The following POLQ variants were observed in gnomAD, a reference collection of about 807,000 sequenced individuals.
POLQ encodes DNA polymerase theta.
Under a neutral mutation model 259.2 loss-of-function variants are expected in POLQ, and 233 were observed. The observed-to-expected ratio is 0.90, with a 90% CI of 0.81 to 1.00. The LOEUF (loss-of-function observed/expected upper bound fraction) is 1.00. Ranked by LOEUF, POLQ falls within the 50% of genes least tolerant of loss-of-function variation. The probability of loss-of-function intolerance (pLI) is 0.00; values close to 1 mark genes in which losing one functional copy is unlikely to be tolerated. For synonymous variants in POLQ, 1,025 were observed against 1,048.8 expected (o/e 0.98, Z 0.44); for missense variants, 2,871 against 3,051.6 (o/e 0.94, Z 1.39).
Position 121,509,607 on chromosome 3 carries a change from G to A in POLQ, c.1913C>T (p.Ala638Val). The change falls in exon 12 of 30, where the codon GCA becomes GTA. Residue 638 changes from alanine (A) to valine (V), a missense_variant. Physicochemically the swap from Ala to Val is moderately conservative, Grantham distance 64. This residue lies in a region of POLQ where 783 missense variants were observed against 906.2 expected (regional missense o/e 0.86). Transcript: ENST00000264233. ...ATTCTCTAAAACAAAGCCCTTCATT[G>A]CTCTTTGCAGGTCAGCAAAAATATC... ...TLDIFADLQR[A>V]MKGFVLENDL... 1 of 1,613,354 alleles carries A rather than the reference G, an allele frequency of 6.2e-7. No homozygotes were observed. Among genetic ancestry groups the A allele is most frequent in the Non-Finnish European group, 8.5e-7 (1 of 1,179,390 alleles).
chr3:121,484,796 G>A (rs1431815015), intron 17 of POLQ, among the ~76,000 whole-genome samples: 1 of 152,124 alleles, frequency 6.6e-6, no homozygotes, highest in Admixed American at 6.6e-5. Flanking sequence ...AGCTACTTGG[G>A]AGGCTGAGGC....
At chr3:121,501,381 C>T (rs1273783251) in intron 12 of POLQ, among the ~76,000 whole-genome samples, 2 of 151,386 alleles carry the variant, frequency 1.3e-5, no homozygotes, top group Non-Finnish European at 2.9e-5. Flanking sequence ...AATGCTAGGC[C>T]GGGCGCGGTG....
chr3:121,439,108 A>G (rs1026984069), intron 27 of POLQ, among the ~76,000 whole-genome samples: 2 of 152,234 alleles, frequency 1.3e-5, no homozygotes, highest in African/African-American at 2.4e-5. Flanking sequence ...ATGAATCCCA[A>G]TGAATTCAGA....
chr3:121,481,862 T>G lies in POLQ; in HGVS notation c.5971-50A>C, dbSNP rs751444485. ...TTTTCCTGATTTTTTTCAAAGACAC[T>G]TATGTACCTCTAAATGAAAAGGGAA... On this transcript the variant is annotated intron_variant, in intron 18 of 29. Transcript: ENST00000264233. 4 of 1,503,618 alleles carry G rather than the reference T, an allele frequency of 2.7e-6. No homozygotes were observed. The African/African-American group carries it at 4.2e-5, about 16-fold the overall frequency. 93.1% of individuals were successfully genotyped at this position (1,503,618 alleles called of 1,614,324 possible).
chr3:121,539,407 AT>A (rs2108821237), intron 4 of POLQ, 25 bp downstream of exon 4: 1 of 1,531,388 alleles, frequency 6.5e-7, no homozygotes, highest in South Asian at 1.2e-5. Flanking sequence ...AATAGAAAGT[AT>A]TTACTTATTT....
At chr3:121,459,385 T>TG (rs2047771525) in intron 25 of POLQ, among the ~76,000 whole-genome samples, 1 of 143,876 alleles carries the variant, frequency 7.0e-6, no homozygotes, top group South Asian at 2.4e-4. Flanking sequence ...TTTTTTTTTT[T>TG]TTTTTTTGTT....
intron 14 of POLQ, chr3:121,493,971 C>T: frequency 1.7e-6 from 1 of 599,158 alleles, no homozygotes; most frequent in Admixed American, 3.0e-5. Context: ...CAAGTTAATA[C>T]ATGAAAACTG....
chr3:121,446,553 G>A (rs1005961305), intron 26 of POLQ, among the ~76,000 whole-genome samples: 42 of 151,762 alleles, frequency 2.8e-4, no homozygotes, highest in Non-Finnish European at 3.7e-4. Flanking sequence ...ATTATTATTG[G>A]GATCTCTCTC....
intron 7 of POLQ, among the ~76,000 whole-genome samples, chr3:121,527,946 G>A (rs1271613396): frequency 6.6e-6 from 1 of 152,180 alleles, no homozygotes. Context: ...TACAACACGT[G>A]AGCTTACTGC....
chr3:121,540,724 T>C (rs1273969716), intron 3 of POLQ, among the ~76,000 whole-genome samples: 2 of 152,188 alleles, frequency 1.3e-5, no homozygotes, highest in African/African-American at 4.8e-5. Flanking sequence ...TTCAGTTAAA[T>C]GCTGATTCTT....
At chr3:121,521,948 A>T in intron 8 of POLQ, 55 bp downstream of exon 8, 4 of 1,190,244 alleles carry the variant, frequency 3.4e-6, no homozygotes, top group Non-Finnish European at 4.7e-6. Flanking sequence ...TATAAAAGTT[A>T]AGACAGTATG....
At chr3:121,526,860 C>CGT (rs569221961) in intron 7 of POLQ, among the ~76,000 whole-genome samples, 1 of 138,032 alleles carries the variant, frequency 7.2e-6, no homozygotes, top group Non-Finnish European at 1.5e-5. Context: ...TGTGTGTGTG[C>CGT]GTGTGTGTCT....
intron 7 of POLQ, 30 bp from the exon 8 acceptor site, chr3:121,522,179 G>C: frequency 6.6e-7 from 1 of 1,522,968 alleles, no homozygotes; most frequent in Non-Finnish European, 8.8e-7. Context: ...AACACCATTT[G>C]CTTCTAACTC....
chr3:121,535,760 A>G (rs942577554), intron 5 of POLQ, among the ~76,000 whole-genome samples: 1 of 151,804 alleles, frequency 6.6e-6, no homozygotes, highest in Non-Finnish European at 1.5e-5. Context: ...ATTTTCAGAC[A>G]TGCAAGTTCT....
chr3:121,438,880 A>T (rs1175211894), intron 27 of POLQ, among the ~76,000 whole-genome samples: 1 of 152,218 alleles, frequency 6.6e-6, no homozygotes, highest in Non-Finnish European at 1.5e-5. Context: ...GTAAAGCAGT[A>T]ACAAAAAGCC....
chr3:121,456,961 T>A (rs1024725198), intron 25 of POLQ, among the ~76,000 whole-genome samples: 25 of 152,170 alleles, frequency 1.6e-4, no homozygotes, highest in African/African-American at 5.8e-4. Flanking sequence ...GCTGGAGGCA[T>A]CAAGCTACCT....
At position 121,487,986 on chromosome 3, in the gene POLQ, C is replaced by CT. The variant is rs1449476565; in HGVS notation, c.4944dup (p.Val1649SerfsTer8). 1.2e-6 allele frequency: 2 copies of CT among 1,612,012 alleles called. No homozygotes were observed. Among genetic ancestry groups the CT allele is most frequent in the South Asian group, 2.2e-5 (2 of 90,594 alleles). On this transcript the variant is annotated frameshift_variant, in exon 16 of 30. Coordinates refer to ENST00000264233, the MANE Select transcript of POLQ (RefSeq NM_199420.4). LOFTEE classifies it high-confidence loss of function. The stretch of plus-strand genomic sequence containing the variant: ...TTTTCATTTTCTAGAGGACTGGATA[C>CT]TTTATCTAAAATCCTTTGCAGTCCT...
chr3:121,521,496 G>A, intron 8 of POLQ: 1 of 152,298 alleles, frequency 6.6e-6, no homozygotes, highest in African/African-American at 2.4e-5. Flanking sequence ...ATATCCACTG[G>A]GGGTCTTGGA....
intron 12 of POLQ, among the ~76,000 whole-genome samples, chr3:121,503,436 C>T (rs1479337662): frequency 6.6e-6 from 1 of 152,158 alleles, no homozygotes; most frequent in African/African-American, 2.4e-5. Context: ...AAAAGAGGTA[C>T]AGGGGAACAA....
Sources: allele counts gnomAD v4.1 joint callset (sites outside exome capture counted in the v4.1 genomes callset), GRCh38; gene constraint gnomAD v4.1.1; regional missense constraint gnomAD v4.1.1; transcripts MANE v1.5; gene names NCBI Gene and HGNC (gene_info 2026-07-23, HGNC 2026-07-21).